Variants in SAMTOR observed in about 807,000 individuals in gnomAD.
SAMTOR encodes the protein S-adenosylmethionine sensor upstream of mTORC1.
At chr7:112,853,870 T>C in the SAMTOR span, among the ~76,000 whole-genome samples, 1 of 152,162 alleles carries the variant, frequency 6.6e-6, no homozygotes, top group Non-Finnish European at 1.5e-5. Flanking sequence ...TTATTTATCA[T>C]CTCTGCTGCT....
the SAMTOR span, among the ~76,000 whole-genome samples, chr7:112,865,712 T>TATTTCATATATACATATATTCATA: frequency 6.9e-6 from 1 of 145,416 alleles, no homozygotes; most frequent in Non-Finnish European, 1.5e-5. Flanking sequence ...TATTCATATA[T>TATTTCATATATACATATATTCATA]ATTTCATATA....
the SAMTOR span, among the ~76,000 whole-genome samples, chr7:112,845,623 T>C: frequency 9.2e-5 from 14 of 152,306 alleles, no homozygotes; most frequent in African/African-American, 3.4e-4. Context: ...AAAATGCTTA[T>C]ACACTGCTAG....
the SAMTOR span, chr7:112,820,358 C>A: frequency 1.3e-5 from 2 of 152,276 alleles, no homozygotes; most frequent in African/African-American, 4.8e-5. Context: ...ATTGAAAATG[C>A]AAGTTTCCTT....
the SAMTOR span, among the ~76,000 whole-genome samples, chr7:112,834,516 G>A: frequency 3.3e-5 from 5 of 152,018 alleles, no homozygotes; most frequent in East Asian, 9.7e-4. Context: ...GTCTGAAAAT[G>A]CTCAACAGAA....
chr7:112,883,432 C>A, the SAMTOR span, among the ~76,000 whole-genome samples: 1 of 152,108 alleles, frequency 6.6e-6, no homozygotes, highest in South Asian at 2.1e-4. Context: ...TACTTAATAT[C>A]CCCAAACAGA....
At chr7:112,850,310 TTTG>T in the SAMTOR span, among the ~76,000 whole-genome samples, 1 of 152,218 alleles carries the variant, frequency 6.6e-6, no homozygotes, top group African/African-American at 2.4e-5. Context: ...GTGCTAGTAT[TTTG>T]TTAAGGATTT....
the SAMTOR span, among the ~76,000 whole-genome samples, chr7:112,848,558 G>T: frequency 6.6e-6 from 1 of 152,190 alleles, no homozygotes; most frequent in Non-Finnish European, 1.5e-5. Context: ...GGGAAACTCA[G>T]AGCGCTGGAG....
the SAMTOR span, chr7:112,821,948 T>C: frequency 6.2e-7 from 1 of 1,612,642 alleles, no homozygotes; most frequent in Admixed American, 1.7e-5. Flanking sequence ...GAGGAATATA[T>C]AACATTCCTG....
At chr7:112,927,669 C>T in the SAMTOR span, among the ~76,000 whole-genome samples, 1 of 152,050 alleles carries the variant, frequency 6.6e-6, no homozygotes, top group East Asian at 1.9e-4. Flanking sequence ...AATGGGTACA[C>T]ACGTTTTACT....
the SAMTOR span, chr7:112,820,726 A>G: frequency 2.0e-5 from 3 of 152,032 alleles, no homozygotes; most frequent in Non-Finnish European, 2.9e-5. Context: ...TTTAGATAGA[A>G]ATTAAGATAC....
the SAMTOR span, among the ~76,000 whole-genome samples, chr7:112,935,585 ACTTT>A: frequency 1.6e-4 from 1 of 6,128 alleles, no homozygotes; most frequent in Non-Finnish European, 5.4e-3. Context: ...ACATACTTTT[ACTTT>A]TTTTTGTGAT....
the SAMTOR span, chr7:112,939,534 C>T: frequency 9.3e-6 from 15 of 1,611,708 alleles, no homozygotes; most frequent in African/African-American, 6.7e-5. Flanking sequence ...GAAGAGGTGA[C>T]AAGCGGTTGG....
At chr7:112,926,203 G>A in the SAMTOR span, among the ~76,000 whole-genome samples, 1 of 152,186 alleles carries the variant, frequency 6.6e-6, no homozygotes, top group East Asian at 1.9e-4. Context: ...TGAGCTCAAA[G>A]TGTCTATCTA....
chr7:112,936,273 C>T, the SAMTOR span, among the ~76,000 whole-genome samples: 1 of 152,230 alleles, frequency 6.6e-6, no homozygotes. Context: ...CGCATCACCA[C>T]TGCTAGGCAT....
the SAMTOR span, among the ~76,000 whole-genome samples, chr7:112,932,709 G>A: frequency 6.6e-5 from 10 of 152,098 alleles, no homozygotes; most frequent in Admixed American, 1.3e-4. Flanking sequence ...AAGGTAAGAG[G>A]GGCACTTAGG....
chr7:112,882,769 A>ATT, the SAMTOR span, among the ~76,000 whole-genome samples: 3,410 of 118,754 alleles, frequency 0.029, 121 homozygotes, highest in African/African-American at 0.084. Context: ...CTTTTTTTAA[A>ATT]AAAAAAAAAA....
the SAMTOR span, among the ~76,000 whole-genome samples, chr7:112,852,507 T>C: frequency 3.9e-5 from 6 of 152,142 alleles, no homozygotes; most frequent in African/African-American, 1.4e-4. Flanking sequence ...AACTACTTAC[T>C]GGGTACCATT....
the SAMTOR span, among the ~76,000 whole-genome samples, chr7:112,934,550 T>G: frequency 6.6e-6 from 1 of 152,242 alleles, no homozygotes; most frequent in Non-Finnish European, 1.5e-5. Context: ...TCTTCTATTT[T>G]CATCATCACT....
chr7:112,926,181 G>C, the SAMTOR span, among the ~76,000 whole-genome samples: 1 of 152,118 alleles, frequency 6.6e-6, no homozygotes, highest in Non-Finnish European at 1.5e-5. Flanking sequence ...TCTATGTAAG[G>C]GCTAGTGAAT....
Sources: gnomAD v4.1 joint callset for allele counts (sites outside exome capture counted in the v4.1 genomes callset) on GRCh38, gnomAD v4.1.1 for gene constraint, MANE v1.5 for transcripts, NCBI Gene and HGNC (gene_info 2026-07-23, HGNC 2026-07-21) for gene names.